The following OR51E1 variants were observed in gnomAD, a reference collection of about 807,000 sequenced individuals.
OR51E1 encodes olfactory receptor 51E1.
In OR51E1, 9 loss-of-function variants were observed where a neutral mutation model predicts 11.5. The observed-to-expected ratio is 0.78, with a 90% CI of 0.47 to 1.37. The LOEUF is 1.37. Ranked by LOEUF, OR51E1 falls within the 40% of genes most tolerant of loss-of-function variation. The pLI, the probability that OR51E1 is intolerant of heterozygous loss-of-function variation, is 0.00. For synonymous variants in OR51E1, 168 were observed against 158.3 expected (o/e 1.06, Z -0.46); for missense variants, 397 against 410.2 (o/e 0.97, Z 0.28).
rs1316430015 is a variant in OR51E1, at chr11:4,653,513, A to G, written c.*30A>G. On this transcript the variant is annotated 3_prime_UTR_variant, in exon 2 of 2. Coordinates refer to ENST00000396952, the MANE Select transcript of OR51E1 (RefSeq NM_152430.4). Reference sequence around the variant, plus strand: ...CAGTGATCAAACTTCTTTTCCATTCAGAGTCCTCTGATTCAGATTTTAATG... The same window carrying G: ...CAGTGATCAAACTTCTTTTCCATTCGGAGTCCTCTGATTCAGATTTTAATG... The G allele has an allele frequency of 7.5e-7, 1 of 1,325,062 alleles. No homozygotes were observed. The highest frequency in any genetic ancestry group is 2.3e-5 in the East Asian group (1 of 43,136). The allele number at this position is 1,325,062 out of a possible 1,614,324, so 82.1% of individuals were successfully genotyped here.
rs1452651566 is a variant in OR51E1, at chr11:4,653,538, G to A, written c.*55G>A. ...AGAGTCCTCTGATTCAGATTTTAATGTTAACATTTTGGAAGACAGTATTCA... is the reference window on the plus strand; with the variant it reads ...AGAGTCCTCTGATTCAGATTTTAATATTAACATTTTGGAAGACAGTATTCA... On this transcript the variant is annotated 3_prime_UTR_variant, in exon 2 of 2. Transcript: ENST00000396952. 8.9e-7 allele frequency: 1 copy of A among 1,128,806 alleles called. No individual in the cohort carries two copies. The highest frequency in any genetic ancestry group is 1.3e-6 in the Non-Finnish European group (1 of 784,744). 69.9% of individuals were successfully genotyped at this position (1,128,806 alleles called of 1,614,324 possible). A position where few individuals can be genotyped will look rare whatever the true frequency, so the allele number is the denominator to read the frequency against.
chr11:4,647,696 G>C (rs1000416777), intron 1 of OR51E1, among the ~76,000 whole-genome samples: 1 of 152,124 alleles, frequency 6.6e-6, no homozygotes, highest in Non-Finnish European at 1.5e-5. Context: ...GGGAGCTCCT[G>C]TTCCCCTATT....
In OR51E1 at chr11:4,649,617, A is replaced by G. The variant is rs571037034; in HGVS notation, c.-39-2871A>G. Reference sequence around the variant, plus strand: ...AGTTTCAAGGGTATTTTTTAAAATAATAGGGAGCGAGCTGGTTTCATCTGG... The same window carrying G: ...AGTTTCAAGGGTATTTTTTAAAATAGTAGGGAGCGAGCTGGTTTCATCTGG... On this transcript the variant is annotated intron_variant, in intron 1 of 1. Transcript: ENST00000396952. Among the ~76,000 whole-genome samples, 39 of 152,276 alleles carry G rather than the reference A, an allele frequency of 2.6e-4. 1 individual carries two copies. The South Asian group carries it at 7.7e-3, about 30-fold the overall frequency.
At position 4,652,740 on chromosome 11, in the gene OR51E1, A is replaced by T. The variant is rs1564877619; in HGVS notation, c.214A>T (p.Ile72Phe). 51 of 1,614,182 alleles carry T rather than the reference A, an allele frequency of 3.2e-5. No homozygotes were observed. Among genetic ancestry groups the T allele is most frequent in the Non-Finnish European group, 4.2e-5 (50 of 1,180,010 alleles). ...TATATTTCTTTGCATGCTTTCAGGC[A>T]TTGACATCCTCATCTCCACCTCATC... is the stretch of plus-strand genomic sequence containing the variant. ...MYIFLCMLSG[I>F]DILISTSSMP... is the part of the protein sequence containing the mutation. Residue 72 changes from isoleucine to phenylalanine, a missense_variant, in exon 2 of 2, where the codon ATT becomes TTT. By Grantham distance (21) the Ile-to-Phe change is conservative. Coordinates refer to ENST00000396952, the MANE Select transcript of OR51E1 (RefSeq NM_152430.4).
At position 4,653,142 on chromosome 11, in the gene OR51E1, A is replaced by G. The variant is rs1412674371; in HGVS notation, c.616A>G (p.Ile206Val). ...CAATGTCGTCTATGGCCTTATCGTC[A>G]TCATCTCCGCCATTGGCCTGGACTC... ...RVNVVYGLIV[I>V]ISAIGLDSLL... is the part of the protein sequence containing the mutation. The change falls in exon 2 of 2, where the codon ATC becomes GTC. Residue 206 changes from isoleucine (I) to valine (V), a missense_variant. By Grantham distance (29) the Ile-to-Val change is conservative. Transcript: ENST00000396952. 3 of 1,613,694 alleles carry G rather than the reference A, an allele frequency of 1.9e-6. No homozygotes were observed. Among genetic ancestry groups the G allele is most frequent in the Non-Finnish European group, 2.5e-6 (3 of 1,179,740 alleles).
chr11:4,655,477 AG>A lies in OR51E1; in HGVS notation c.*1995del, dbSNP rs1482219125. On this transcript the variant is annotated 3_prime_UTR_variant, in exon 2 of 2. Coordinates refer to ENST00000396952, the MANE Select transcript of OR51E1 (RefSeq NM_152430.4). ...TGAAAAATAAAGTACTATTGTGTCAAGTCTCTGAAAATGATTTTGTTGTTCT... is the reference window on the plus strand; with the variant it reads ...TGAAAAATAAAGTACTATTGTGTCAATCTCTGAAAATGATTTTGTTGTTCT... The A allele has an allele frequency of 6.2e-6, 1 of 162,150 alleles. No individual in the cohort carries two copies. Among genetic ancestry groups the A allele is most frequent in the Non-Finnish European group, 1.5e-5 (1 of 68,082 alleles). The allele number at this position is 162,150 out of a possible 1,614,324, so 10.0% of individuals were successfully genotyped here. A position where few individuals can be genotyped will look rare whatever the true frequency, so the allele number is the denominator to read the frequency against.
chr11:4,649,121 A>G (rs932541237), intron 1 of OR51E1, among the ~76,000 whole-genome samples: 1 of 152,178 alleles, frequency 6.6e-6, no homozygotes, highest in Non-Finnish European at 1.5e-5. Context: ...TAAACAATTA[A>G]TAAATATAAT....
chr11:4,648,817 C>A (rs1471983227), intron 1 of OR51E1, among the ~76,000 whole-genome samples: 1 of 152,178 alleles, frequency 6.6e-6, no homozygotes, highest in Non-Finnish European at 1.5e-5. Context: ...GTCCACTTTG[C>A]ATTTATTAGG....
intron 1 of OR51E1, among the ~76,000 whole-genome samples, chr11:4,644,960 G>T (rs1847010306): frequency 6.6e-6 from 1 of 152,030 alleles, no homozygotes; most frequent in African/African-American, 2.4e-5. Flanking sequence ...CTTGCTGGGG[G>T]ACGCTTTTCT....
chr11:4,653,944 C>T lies in OR51E1; in HGVS notation c.*461C>T, dbSNP rs1368076467. ...CAGAAAAATGCTGTCTTCAAAATGACTTCTACAGAGAAGAAATAATTTTTC... is the reference window on the plus strand; with the variant it reads ...CAGAAAAATGCTGTCTTCAAAATGATTTCTACAGAGAAGAAATAATTTTTC... On this transcript the variant is annotated 3_prime_UTR_variant, in exon 2 of 2. Transcript: ENST00000396952. 1 of 167,838 alleles carries T rather than the reference C, an allele frequency of 6.0e-6. No individual in the cohort carries two copies. Among genetic ancestry groups the T allele is most frequent in the Non-Finnish European group, 1.5e-5 (1 of 68,808 alleles). 10.4% of individuals were successfully genotyped at this position (167,838 alleles called of 1,614,324 possible).
chr11:4,649,272 C>T (rs1477853295), intron 1 of OR51E1, among the ~76,000 whole-genome samples: 1 of 151,872 alleles, frequency 6.6e-6, no homozygotes, highest in Non-Finnish European at 1.5e-5. Context: ...TTTAATTATG[C>T]CTAGGTAAAA....
intron 1 of OR51E1, among the ~76,000 whole-genome samples, chr11:4,644,438 GA>G (rs1357071500): frequency 4.6e-5 from 7 of 151,978 alleles, no homozygotes; most frequent in African/African-American, 1.7e-4. Flanking sequence ...TATGACTGGG[GA>G]TGAGGCTGCA....
chr11:4,652,544 T>C lies in OR51E1; in HGVS notation c.18T>C (p.Asn6=), dbSNP rs146791038. The part of the protein sequence containing the change: MMVDP[N]GNESSATYFI... ...GCTTCTTCATGATGGTGGATCCCAA[T>C]GGCAATGAATCCAGTGCTACATACT... Residue 6 remains asparagine, a synonymous_variant, in exon 2 of 2, where the codon AAT becomes AAC. Transcript: ENST00000396952. The C allele has an allele frequency of 1.2e-6, 2 of 1,612,514 alleles. No individual in the cohort carries two copies. Among genetic ancestry groups the C allele is most frequent in the Non-Finnish European group, 1.7e-6 (2 of 1,178,770 alleles).
Position 4,653,794 on chromosome 11 carries a change from A to G in OR51E1, c.*311A>G, listed in dbSNP as rs185213529. The G allele has an allele frequency of 1.1e-3, 272 of 242,954 alleles. 2 individuals carry two copies. Among genetic ancestry groups the G allele is most frequent in the African/African-American group, 5.5e-3 (244 of 44,096 alleles). The allele number at this position is 242,954 out of a possible 1,614,324, so 15.0% of individuals were successfully genotyped here. A position where few individuals can be genotyped will look rare whatever the true frequency, so the allele number is the denominator to read the frequency against. ...CAGCATTCTGAGATAAGAATGGTAC[A>G]TCTAGAGAACATTTGCCAAAGGCCT... On this transcript the variant is annotated 3_prime_UTR_variant, in exon 2 of 2. Transcript: ENST00000396952.
Position 4,652,746 on chromosome 11 carries a change from A to C in OR51E1, c.220A>C (p.Ile74Leu). The C allele has an allele frequency of 1.2e-6, 2 of 1,614,082 alleles. No homozygotes were observed. Among genetic ancestry groups the C allele is most frequent in the Non-Finnish European group, 1.7e-6 (2 of 1,179,972 alleles). Residue 74 changes from isoleucine (I) to leucine (L), a missense_variant, in exon 2 of 2, where the codon ATC becomes CTC. Ile to Leu is a conservative substitution (Grantham distance 5). Coordinates refer to ENST00000396952, the MANE Select transcript of OR51E1 (RefSeq NM_152430.4). The part of the protein sequence containing the change: ...IFLCMLSGID[I>L]LISTSSMPKM... ...TCTTTGCATGCTTTCAGGCATTGAC[A>C]TCCTCATCTCCACCTCATCCATGCC...
chr11:4,652,216 A>G (rs1199963914), intron 1 of OR51E1, among the ~76,000 whole-genome samples: 1 of 152,178 alleles, frequency 6.6e-6, no homozygotes, highest in Non-Finnish European at 1.5e-5. Flanking sequence ...TGGAGAACTA[A>G]ATGGTTTGGC....
At chr11:4,646,854 G>T (rs925627467) in intron 1 of OR51E1, among the ~76,000 whole-genome samples, 2 of 152,218 alleles carry the variant, frequency 1.3e-5, no homozygotes, top group South Asian at 2.1e-4. Context: ...ATGAGGGAAA[G>T]TGTATAGGCC....
Position 4,653,764 on chromosome 11 carries a change from G to T in OR51E1, c.*281G>T. The T allele has an allele frequency of 6.6e-6, 2 of 305,088 alleles. No homozygotes were observed. The highest frequency in any genetic ancestry group is 1.3e-5 in the Non-Finnish European group (2 of 156,006). The allele number at this position is 305,088 out of a possible 1,614,324, so 18.9% of individuals were successfully genotyped here. On this transcript the variant is annotated 3_prime_UTR_variant, in exon 2 of 2. Transcript: ENST00000396952. Reference sequence around the variant, plus strand: ...CAAATCTAAACTGCTTCTACTGATGGTTTACAGCATTCTGAGATAAGAATG... The same window carrying T: ...CAAATCTAAACTGCTTCTACTGATGTTTTACAGCATTCTGAGATAAGAATG...
intron 1 of OR51E1, among the ~76,000 whole-genome samples, chr11:4,651,876 T>C (rs12280089): frequency 0.42 from 64,150 of 152,058 alleles, 14,819 homozygotes; most frequent in Non-Finnish European, 0.53. Flanking sequence ...TAAAATAGAA[T>C]ATGAATTGTG....
Sources: gnomAD v4.1 joint callset for allele counts (sites outside exome capture counted in the v4.1 genomes callset) on GRCh38, gnomAD v4.1.1 for gene constraint, MANE v1.5 for transcripts, NCBI Gene and HGNC (gene_info 2026-07-23, HGNC 2026-07-21) for gene names.